The following TMEM135 variants were observed in gnomAD, a reference collection of about 807,000 sequenced individuals.
The protein encoded by TMEM135 is peroxisomal membrane protein 52.
Under a neutral mutation model 60.3 loss-of-function variants are expected in TMEM135, and 30 were observed. The ratio of observed to expected loss-of-function variants is 0.50; its 90% CI spans 0.37 to 0.68. The LOEUF is 0.68. TMEM135 is among the 30% of genes least tolerant of loss of function. TMEM135 has a pLI of 0.00. For missense variants in TMEM135, 468 were observed against 548.8 expected, an observed-to-expected ratio of 0.85 and a Z score of 1.47; for synonymous variants, 190 against 186.7, an observed-to-expected ratio of 1.02 and a Z score of -0.14.
intron 3 of TMEM135, among the ~76,000 whole-genome samples, chr11:87,082,690 G>A (rs903407393): frequency 1.1e-4 from 16 of 152,164 alleles, no homozygotes; most frequent in African/African-American, 3.4e-4. Flanking sequence ...AAGATTGAAC[G>A]TTTAGAAGCA....
chr11:87,070,925 C>G (rs1158610341), intron 2 of TMEM135, among the ~76,000 whole-genome samples: 1 of 152,180 alleles, frequency 6.6e-6, no homozygotes, highest in Non-Finnish European at 1.5e-5. Context: ...CTAACACTTT[C>G]TGAGTACTTG....
intron 5 of TMEM135, among the ~76,000 whole-genome samples, chr11:87,169,686 A>C (rs946265348): frequency 2.0e-5 from 3 of 152,046 alleles, no homozygotes; most frequent in Non-Finnish European, 4.4e-5. Context: ...AGTCTGATGG[A>C]CTTCCCGTTG....
At chr11:87,270,298 C>T (rs1398090122) in intron 6 of TMEM135, among the ~76,000 whole-genome samples, 1 of 151,646 alleles carries the variant, frequency 6.6e-6, no homozygotes, top group African/African-American at 2.4e-5. Flanking sequence ...TGTAGGATGC[C>T]TGTTCACTCT....
chr11:87,287,000 G>T (rs761875796), intron 6 of TMEM135, among the ~76,000 whole-genome samples: 1 of 152,116 alleles, frequency 6.6e-6, no homozygotes, highest in African/African-American at 2.4e-5. Flanking sequence ...GAATAGAATA[G>T]AATATTTTAA....
At chr11:87,250,995 T>C (rs530431478) in intron 6 of TMEM135, among the ~76,000 whole-genome samples, 6 of 152,240 alleles carry the variant, frequency 3.9e-5, no homozygotes, top group Admixed American at 6.5e-5. Context: ...ATCTGAGATA[T>C]GAGGATTGCT....
At position 87,065,645 on chromosome 11, in the gene TMEM135, A is replaced by G. The variant is rs544206586; in HGVS notation, c.142-2049A>G. On this transcript the variant is annotated intron_variant, in intron 1 of 14. Transcript: ENST00000305494. ...TTTTTAAATTTCCCAACAGGTCTTT[A>G]ATAGAGAAAAAGTTTGAATTTTGAT... 5.3e-5 allele frequency among the ~76,000 whole-genome samples: 8 copies of G among 152,154 alleles called. No homozygotes were observed. The South Asian group carries it at 1.4e-3, about 28-fold the overall frequency.
At chr11:87,180,360 C>A (rs988905426) in intron 5 of TMEM135, among the ~76,000 whole-genome samples, 1 of 152,092 alleles carries the variant, frequency 6.6e-6, no homozygotes, top group Admixed American at 6.6e-5. Context: ...TTTTTCCCCC[C>A]TTTCTTGCCA....
intron 5 of TMEM135, among the ~76,000 whole-genome samples, chr11:87,167,233 C>T (rs1170202510): frequency 6.6e-6 from 1 of 152,174 alleles, no homozygotes; most frequent in Admixed American, 6.6e-5. Flanking sequence ...TCTAAATATA[C>T]AATTATGTCA....
intron 4 of TMEM135, among the ~76,000 whole-genome samples, chr11:87,123,993 A>T (rs1284195975): frequency 6.6e-6 from 1 of 152,196 alleles, no homozygotes; most frequent in Non-Finnish European, 1.5e-5. Flanking sequence ...CTAAGTGATG[A>T]TAATGTTTTT....
rs1188555998 is a variant in TMEM135, at chr11:87,327,261, T to C, written c.*5928T>C. ...GGAAAGTTCTTTTTACCTCTTTTTC[T>C]CTTGTTCAAGGTATTAGTATTAGTC... On this transcript the variant is annotated 3_prime_UTR_variant, in exon 15 of 15. Coordinates refer to ENST00000305494, the MANE Select transcript of TMEM135 (RefSeq NM_022918.4). 1 of 454,096 alleles carries C rather than the reference T, an allele frequency of 2.2e-6. No individual in the cohort carries two copies. Among genetic ancestry groups the C allele is most frequent in the East Asian group, 7.0e-5 (1 of 14,388 alleles). 28.1% of individuals were successfully genotyped at this position (454,096 alleles called of 1,614,324 possible). A position where few individuals can be genotyped will look rare whatever the true frequency, so the allele number is the denominator to read the frequency against.
intron 3 of TMEM135, among the ~76,000 whole-genome samples, chr11:87,076,038 A>G (rs1856864723): frequency 6.6e-6 from 1 of 152,136 alleles, no homozygotes; most frequent in Non-Finnish European, 1.5e-5. Context: ...TGTAACCATT[A>G]CTTGGCTACC....
chr11:87,270,453 T>G (rs1231388263), intron 6 of TMEM135, among the ~76,000 whole-genome samples: 2 of 152,178 alleles, frequency 1.3e-5, no homozygotes, highest in African/African-American at 4.8e-5. Context: ...AAGGGGAATG[T>G]GTTAAAAAAT....
chr11:87,246,964 T>C (rs1941293094), intron 6 of TMEM135, among the ~76,000 whole-genome samples: 1 of 143,332 alleles, frequency 7.0e-6, no homozygotes, highest in Admixed American at 7.0e-5. Context: ...TGTTCTGTTT[T>C]TTCCCCATCT....
chr11:87,161,534 G>A (rs541532214), intron 5 of TMEM135, among the ~76,000 whole-genome samples: 3 of 152,110 alleles, frequency 2.0e-5, no homozygotes, highest in Admixed American at 6.5e-5. Context: ...TTTTGAAAGA[G>A]AACAAAGTTT....
At chr11:87,185,572 A>G (rs1565478346) in intron 5 of TMEM135, among the ~76,000 whole-genome samples, 2 of 152,214 alleles carry the variant, frequency 1.3e-5, no homozygotes, top group African/African-American at 2.4e-5. Flanking sequence ...GAAGAGACAC[A>G]TAATATCTGG....
chr11:87,073,620 A>G (rs910630086), intron 3 of TMEM135, among the ~76,000 whole-genome samples: 5 of 151,994 alleles, frequency 3.3e-5, no homozygotes, highest in African/African-American at 7.3e-5. Context: ...CGTGATATTC[A>G]TTACTTGAAA....
At chr11:87,074,808 C>G (rs1856838139) in intron 3 of TMEM135, among the ~76,000 whole-genome samples, 1 of 152,190 alleles carries the variant, frequency 6.6e-6, no homozygotes, top group Non-Finnish European at 1.5e-5. Flanking sequence ...TTATCACACA[C>G]AAGACAATTA....
chr11:87,177,295 T>G (rs1011388816), intron 5 of TMEM135, among the ~76,000 whole-genome samples: 1 of 152,200 alleles, frequency 6.6e-6, no homozygotes, highest in Non-Finnish European at 1.5e-5. Flanking sequence ...GATAGAGTTC[T>G]GTATATCTAA....
intron 5 of TMEM135, among the ~76,000 whole-genome samples, chr11:87,163,550 C>T (rs1313113812): frequency 2.0e-5 from 3 of 152,150 alleles, no homozygotes; most frequent in South Asian, 2.1e-4. Flanking sequence ...TGGGTATGTA[C>T]CCAGTAATGG....
Sources: gnomAD v4.1 joint callset for allele counts (sites outside exome capture counted in the v4.1 genomes callset) on GRCh38, gnomAD v4.1.1 for gene constraint, MANE v1.5 for transcripts, NCBI Gene and HGNC (gene_info 2026-07-23, HGNC 2026-07-21) for gene names.